Variants in VPS37A observed in about 807,000 individuals in gnomAD.
VPS37A encodes vacuolar protein sorting-associated protein 37A.
A neutral mutation model predicts 49.8 loss-of-function variants in VPS37A; 30 were observed. That is an observed-to-expected ratio of 0.60 (90% CI 0.45 to 0.82). The LOEUF (loss-of-function observed/expected upper bound fraction) is 0.82. Ranked by LOEUF, VPS37A falls within the 40% of genes least tolerant of loss-of-function variation. VPS37A has a pLI of 0.00. For missense variants in VPS37A, 593 were observed against 464.4 expected (o/e 1.28, Z -2.55); for synonymous variants, 195 against 160.6 (o/e 1.21, Z -1.62).
chr8:17,247,191 T>G lies in VPS37A; in HGVS notation c.-54T>G. 1.3e-6 allele frequency: 2 copies of G among 1,553,218 alleles called. No homozygotes were observed. Among genetic ancestry groups the G allele is most frequent in the South Asian group, 2.4e-5 (2 of 84,290 alleles). On this transcript the variant is annotated 5_prime_UTR_variant, in exon 1 of 12. Coordinates refer to ENST00000324849, the MANE Select transcript of VPS37A (RefSeq NM_152415.3). ...CTGGAGAACCGCCGGGCCGAGCCAC[T>G]GGGAGAAGCAGGCCAGAGCCTTCCA...
At chr8:17,258,908 G>C (rs186847362) in intron 1 of VPS37A, among the ~76,000 whole-genome samples, 1 of 151,878 alleles carries the variant, frequency 6.6e-6, no homozygotes. Flanking sequence ...ATAATTCATA[G>C]TGGTGCCTAA....
chr8:17,299,879 C>T (rs370812641), downstream of VPS37A: 20 of 1,613,894 alleles, frequency 1.2e-5, no homozygotes, highest in African/African-American at 5.3e-5. Context: ...GTGAGAAACA[C>T]GGCTTCATCA....
downstream of VPS37A, chr8:17,299,180 G>A (rs1281972651): frequency 6.6e-6 from 1 of 152,150 alleles, no homozygotes; most frequent in Non-Finnish European, 1.5e-5. Flanking sequence ...TTAAATCAGT[G>A]TTAGAGAAAA....
rs1243827826 is a variant in VPS37A, at chr8:17,248,136, T to C, written c.125+767T>C. The C allele has an allele frequency of 1.1e-5, 4 of 362,790 alleles. No homozygotes were observed. In the East Asian group the frequency reaches 2.2e-4, roughly 20 times the overall value. The allele number at this position is 362,790 out of a possible 1,614,324, so 22.5% of individuals were successfully genotyped here. A position where few individuals can be genotyped will look rare whatever the true frequency, so the allele number is the denominator to read the frequency against. ...CAGCCTTTTACATTGCAAATGTCTATGGTCTCTAATGGTTTTCAAAAATTA... is the reference window on the plus strand; with the variant it reads ...CAGCCTTTTACATTGCAAATGTCTACGGTCTCTAATGGTTTTCAAAAATTA... On this transcript the variant is annotated intron_variant, in intron 1 of 11. Transcript: ENST00000324849.
Position 17,268,888 on chromosome 8 carries a change from T to C in VPS37A, c.348T>C (p.Ile116=). 6.2e-7 allele frequency: 1 copy of C among 1,610,122 alleles called. No homozygotes were observed. The highest frequency in any genetic ancestry group is 1.1e-5 in the South Asian group (1 of 90,226). Reference sequence around the variant, plus strand: ...TGCACTCAGATCTTGGAAAAATTATTCAGAGTCTGTTGGATGAGTTTTGGA... The same window carrying C: ...TGCACTCAGATCTTGGAAAAATTATCCAGAGTCTGTTGGATGAGTTTTGGA... ...FTMHSDLGKI[I]QSLLDEFWKN... is the part of the protein sequence containing the mutation. Residue 116 remains isoleucine (I), a synonymous_variant, in exon 4 of 12, where the codon ATT becomes ATC. Transcript: ENST00000324849.
intron 1 of VPS37A, among the ~76,000 whole-genome samples, chr8:17,249,834 T>G (rs957300592): frequency 1.3e-5 from 2 of 152,184 alleles, no homozygotes; most frequent in Non-Finnish European, 2.9e-5. Flanking sequence ...ATGGGAGCCT[T>G]CAGAAATGAA....
intron 1 of VPS37A, among the ~76,000 whole-genome samples, chr8:17,263,233 A>G (rs1813126361): frequency 6.6e-6 from 1 of 152,184 alleles, no homozygotes; most frequent in African/African-American, 2.4e-5. Flanking sequence ...CAATATGTTT[A>G]CAGTGGTTTT....
chr8:17,257,829 A>G (rs566682109), intron 1 of VPS37A, among the ~76,000 whole-genome samples: 3 of 152,194 alleles, frequency 2.0e-5, no homozygotes, highest in East Asian at 1.9e-4. Context: ...TCAGTGTTCT[A>G]TAGTTTTCCT....
chr8:17,324,718 T>C, the VPS37A span, among the ~76,000 whole-genome samples: 40 of 152,356 alleles, frequency 2.6e-4, no homozygotes, highest in Non-Finnish European at 4.0e-4. Flanking sequence ...TATTTCCATG[T>C]AGAGCGACCT....
the VPS37A span, chr8:17,311,830 C>T: frequency 2.7e-6 from 2 of 744,186 alleles, no homozygotes; most frequent in Non-Finnish European, 4.3e-6. Flanking sequence ...TAAAGCTTTC[C>T]CTTCCCATTC....
chr8:17,254,452 G>T (rs949763857), intron 1 of VPS37A, among the ~76,000 whole-genome samples: 2 of 152,146 alleles, frequency 1.3e-5, no homozygotes, highest in African/African-American at 4.8e-5. Flanking sequence ...GCTGCTCCAC[G>T]AATGTCACCC....
intron 6 of VPS37A, chr8:17,279,734 CTG>C: frequency 2.1e-6 from 1 of 479,958 alleles, no homozygotes; most frequent in South Asian, 1.6e-5. Flanking sequence ...CACTGTATAA[CTG>C]TGAACACTTC....
At chr8:17,331,295 G>C in the VPS37A span, 1 of 1,576,816 alleles carries the variant, frequency 6.3e-7, no homozygotes, top group Non-Finnish European at 8.6e-7. Context: ...GCAGTGGTCA[G>C]CAAAACAGAA....
downstream of VPS37A, among the ~76,000 whole-genome samples, chr8:17,305,333 A>G (rs1315151981): frequency 6.6e-6 from 1 of 152,208 alleles, no homozygotes; most frequent in African/African-American, 2.4e-5. Context: ...ATCTACTTTT[A>G]CCCTTGGATA....
chr8:17,279,767 A>G (rs1432877707), intron 6 of VPS37A: 1 of 516,032 alleles, frequency 1.9e-6, no homozygotes, highest in Non-Finnish European at 3.7e-6. Context: ...TGATTTTTAA[A>G]GAAAGTAGAT....
chr8:17,281,861 T>G (rs1815084845), intron 9 of VPS37A, among the ~76,000 whole-genome samples: 2 of 152,090 alleles, frequency 1.3e-5, no homozygotes, highest in Non-Finnish European at 2.9e-5. Flanking sequence ...GGAAACTTTA[T>G]TGAATGCCAT....
chr8:17,276,316 A>T, intron 5 of VPS37A, 81 bp from the exon 6 acceptor site: 1 of 1,107,500 alleles, frequency 9.0e-7, no homozygotes, highest in Non-Finnish European at 1.3e-6. Context: ...GATATAGTAC[A>T]TTAAAGATTA....
intron 1 of VPS37A, chr8:17,248,295 T>C (rs1271039364): frequency 4.5e-6 from 2 of 443,100 alleles, no homozygotes; most frequent in Non-Finnish European, 8.9e-6. Context: ...GGGGTACGGC[T>C]CTCCTGTTGC....
chr8:17,285,883 G>A (rs551686597), intron 10 of VPS37A, among the ~76,000 whole-genome samples: 3 of 152,268 alleles, frequency 2.0e-5, no homozygotes, highest in East Asian at 1.9e-4. Flanking sequence ...GCTTGTAGGC[G>A]AAGGCTGTCT....
Sources: gnomAD v4.1 joint callset for allele counts (sites outside exome capture counted in the v4.1 genomes callset) on GRCh38, gnomAD v4.1.1 for gene constraint, MANE v1.5 for transcripts, NCBI Gene and HGNC (gene_info 2026-07-23, HGNC 2026-07-21) for gene names.